PAPSS2: variants seen among roughly 807,000 people sequenced by gnomAD.
The protein encoded by PAPSS2 is bifunctional 3'-phosphoadenosine 5'-phosphosulfate synthase 2.
Under a neutral mutation model 66.5 loss-of-function variants are expected in PAPSS2, and 61 were observed. The observed-to-expected ratio is 0.92, with a 90% CI of 0.75 to 1.14. PAPSS2 has a LOEUF of 1.14. Ranked by LOEUF, PAPSS2 falls within the 50% of genes most tolerant of loss-of-function variation. The pLI is 0.00. For missense variants in PAPSS2, 708 were observed against 789.6 expected (o/e 0.90, Z 1.24); for synonymous variants, 289 against 287.5 (o/e 1.01, Z -0.05).
chr10:87,665,675 G>A (rs1176025964), intron 1 of PAPSS2, among the ~76,000 whole-genome samples: 1 of 152,218 alleles, frequency 6.6e-6, no homozygotes, highest in African/African-American at 2.4e-5. Context: ...TGGGAGGTAG[G>A]TTTATTCTGG....
intron 9 of PAPSS2, among the ~76,000 whole-genome samples, chr10:87,739,312 T>G (rs1853838985): frequency 6.6e-6 from 1 of 152,238 alleles, no homozygotes; most frequent in Non-Finnish European, 1.5e-5. Flanking sequence ...AAAGATTATT[T>G]TTAAAAATAG....
chr10:87,699,298 A>T (rs1156567176), intron 1 of PAPSS2, among the ~76,000 whole-genome samples: 1 of 152,044 alleles, frequency 6.6e-6, no homozygotes, highest in Non-Finnish European at 1.5e-5. Flanking sequence ...TAACATATAT[A>T]TTTTTTTGCA....
At chr10:87,675,211 C>T (rs1852929942) in intron 1 of PAPSS2, among the ~76,000 whole-genome samples, 1 of 152,168 alleles carries the variant, frequency 6.6e-6, no homozygotes. Context: ...TTAGTATTAC[C>T]TCTTTCTTCT....
intron 1 of PAPSS2, among the ~76,000 whole-genome samples, chr10:87,686,085 C>A (rs1432912124): frequency 6.6e-6 from 1 of 151,290 alleles, no homozygotes; most frequent in African/African-American, 2.4e-5. Context: ...CACCTGGTTT[C>A]CTGCTCTGAA....
At chr10:87,741,147 A>G in intron 9 of PAPSS2, 88 bp from the exon 10 acceptor site, 3 of 1,352,432 alleles carry the variant, frequency 2.2e-6, no homozygotes, top group Non-Finnish European at 3.2e-6. Context: ...TTTAACTGTA[A>G]CCCGAGATTG....
At chr10:87,719,996 C>T (rs1853575615) in intron 7 of PAPSS2, among the ~76,000 whole-genome samples, 1 of 152,148 alleles carries the variant, frequency 6.6e-6, no homozygotes, top group Admixed American at 6.5e-5. Context: ...AGCAATTCTT[C>T]TGCCTCAGCC....
At chr10:87,683,389 G>A (rs965852567) in intron 1 of PAPSS2, among the ~76,000 whole-genome samples, 2 of 152,132 alleles carry the variant, frequency 1.3e-5, no homozygotes, top group Non-Finnish European at 2.9e-5. Flanking sequence ...AGGATTACAG[G>A]CGTGAGCCAC....
chr10:87,724,399 A>G (rs1853632365), intron 8 of PAPSS2, among the ~76,000 whole-genome samples: 1 of 151,728 alleles, frequency 6.6e-6, no homozygotes, highest in African/African-American at 2.4e-5. Flanking sequence ...AGATGGGGAG[A>G]CCTGTGGGAT....
At chr10:87,681,747 C>G (rs974618770) in intron 1 of PAPSS2, among the ~76,000 whole-genome samples, 1 of 152,190 alleles carries the variant, frequency 6.6e-6, no homozygotes, top group African/African-American at 2.4e-5. Context: ...TACTTTCTGT[C>G]TCCTGATAGT....
chr10:87,742,920 G>C (rs1262134773), intron 10 of PAPSS2, among the ~76,000 whole-genome samples: 1 of 152,192 alleles, frequency 6.6e-6, no homozygotes, highest in Non-Finnish European at 1.5e-5. Flanking sequence ...CACCTCTAAA[G>C]ACCCAGGTGT....
At chr10:87,709,451 G>C (rs902630781) in intron 2 of PAPSS2, 138 bp downstream of exon 2, 1 of 587,674 alleles carries the variant, frequency 1.7e-6, no homozygotes, top group African/African-American at 1.8e-5. Flanking sequence ...AGAAAGCCTG[G>C]GTGTTAGTCC....
At chr10:87,718,771 C>T (rs1421749865) in intron 7 of PAPSS2, among the ~76,000 whole-genome samples, 1 of 152,196 alleles carries the variant, frequency 6.6e-6, no homozygotes, top group Non-Finnish European at 1.5e-5. Context: ...CTGTATTAAC[C>T]TCAATTGAAG....
intron 7 of PAPSS2, among the ~76,000 whole-genome samples, chr10:87,721,225 AG>A (rs1161887584): frequency 3.3e-5 from 5 of 152,222 alleles, no homozygotes; most frequent in South Asian, 2.1e-4. Context: ...TTTGAAGCCT[AG>A]ACTTAAATCC....
At chr10:87,728,753 G>A (rs1268823862) in intron 9 of PAPSS2, among the ~76,000 whole-genome samples, 1 of 151,156 alleles carries the variant, frequency 6.6e-6, no homozygotes, top group Non-Finnish European at 1.5e-5. Context: ...AAAAAAAAGA[G>A]AGGCCAGACT....
intron 1 of PAPSS2, among the ~76,000 whole-genome samples, chr10:87,697,255 A>G (rs115408568): frequency 0.015 from 2,226 of 152,316 alleles, 59 homozygotes; most frequent in African/African-American, 0.051. Flanking sequence ...TAGGAAGATC[A>G]GGCAGGCTCA....
Position 87,733,496 on chromosome 10 carries a change from A to C in PAPSS2, c.1086+6007A>C, listed in dbSNP as rs1042838629. Among the ~76,000 whole-genome samples, 6 of 152,356 alleles carry C rather than the reference A, an allele frequency of 3.9e-5. No homozygotes were observed. In the South Asian group the frequency reaches 1.2e-3, roughly 32 times the overall value. On this transcript the variant is annotated intron_variant, in intron 9 of 12. Coordinates refer to ENST00000456849, the MANE Select transcript of PAPSS2 (RefSeq NM_001015880.2). ...TTTGCACTCTACATTTTCTTGTACA[A>C]ACCAAGAGAACAGAATATGACTTCT...
chr10:87,740,562 T>C (rs963713111), intron 9 of PAPSS2, among the ~76,000 whole-genome samples: 1 of 152,236 alleles, frequency 6.6e-6, no homozygotes, highest in Non-Finnish European at 1.5e-5. Context: ...TAACAGAGTA[T>C]GAGAAGTGCA....
intron 5 of PAPSS2, 54 bp from the exon 6 acceptor site, chr10:87,714,931 C>G: frequency 7.1e-7 from 1 of 1,405,434 alleles, no homozygotes; most frequent in South Asian, 1.2e-5. Flanking sequence ...TGCCTCTTTA[C>G]TGAAGCATTC....
In PAPSS2 at chr10:87,721,664, C is replaced by A; in HGVS notation, c.866-92C>A. 3.6e-6 allele frequency: 3 copies of A among 821,960 alleles called. No individual in the cohort carries two copies. The South Asian group carries it at 4.8e-5, about 13-fold the overall frequency. 50.9% of individuals were successfully genotyped at this position (821,960 alleles called of 1,614,324 possible). On this transcript the variant is annotated intron_variant, in intron 7 of 12. Transcript: ENST00000456849. The stretch of plus-strand genomic sequence containing the variant: ...TTTGTATGTTGTATATGTGAAGTGT[C>A]ATAATAGGAATTTGTTCTTTGACAT...
Sources: gnomAD v4.1 joint callset for allele counts (sites outside exome capture counted in the v4.1 genomes callset) on GRCh38, gnomAD v4.1.1 for gene constraint, MANE v1.5 for transcripts, NCBI Gene and HGNC (gene_info 2026-07-23, HGNC 2026-07-21) for gene names.